Variants in EPHB1 observed in about 807,000 individuals in gnomAD.
EPHB1 encodes the protein EPH receptor B1, also known as ephrin type-B receptor 1.
In EPHB1, 30 loss-of-function variants were observed where a neutral mutation model predicts 94.4. The observed-to-expected ratio is 0.32, with a 90% confidence interval of 0.24 to 0.43. The LOEUF is 0.43. EPHB1 is among the 20% of genes least tolerant of loss of function. The pLI is 1.00. For missense variants in EPHB1, 1,055 were observed against 1,308.3 expected, an observed-to-expected ratio of 0.81 and a Z score of 2.99; for synonymous variants, 522 against 489.1, an observed-to-expected ratio of 1.07 and a Z score of -0.89.
intron 5 of EPHB1, among the ~76,000 whole-genome samples, chr3:135,135,234 T>C (rs1940575741): frequency 6.6e-6 from 1 of 152,166 alleles, no homozygotes; most frequent in South Asian, 2.1e-4. Flanking sequence ...ATGCAATTTC[T>C]TCTTGGTAGC....
At chr3:134,827,267 A>G (rs769283026) in intron 1 of EPHB1, among the ~76,000 whole-genome samples, 5 of 152,214 alleles carry the variant, frequency 3.3e-5, no homozygotes, top group Non-Finnish European at 7.3e-5. Flanking sequence ...GCCTTAGTCT[A>G]GTGCTTCTTC....
At chr3:135,076,735 T>C (rs1179796879) in intron 3 of EPHB1, among the ~76,000 whole-genome samples, 1 of 152,204 alleles carries the variant, frequency 6.6e-6, no homozygotes, top group African/African-American at 2.4e-5. Flanking sequence ...ATGTGGTATA[T>C]CCATACAATG....
intron 12 of EPHB1, among the ~76,000 whole-genome samples, chr3:135,221,990 T>C (rs1943286985): frequency 6.6e-6 from 1 of 152,230 alleles, no homozygotes; most frequent in Non-Finnish European, 1.5e-5. Context: ...CTATTTCTTT[T>C]CAGCTAATAA....
intron 3 of EPHB1, among the ~76,000 whole-genome samples, chr3:135,019,988 T>G (rs1382704874): frequency 6.6e-6 from 1 of 152,226 alleles, no homozygotes; most frequent in East Asian, 1.9e-4. Context: ...GATGCAGGCT[T>G]TGCCTCAACA....
chr3:135,123,846 C>T (rs1280993074), intron 4 of EPHB1, among the ~76,000 whole-genome samples: 2 of 151,648 alleles, frequency 1.3e-5, no homozygotes, highest in Non-Finnish European at 2.9e-5. Flanking sequence ...CATTCTGGCC[C>T]AAGCCACCAT....
intron 3 of EPHB1, among the ~76,000 whole-genome samples, chr3:135,018,686 C>A (rs928064112): frequency 4.6e-5 from 7 of 152,218 alleles, no homozygotes; most frequent in Non-Finnish European, 1.0e-4. Context: ...AATCCACCCA[C>A]CTTTTCCTAT....
At chr3:135,005,592 G>C (rs1576310504) in intron 3 of EPHB1, among the ~76,000 whole-genome samples, 1 of 152,232 alleles carries the variant, frequency 6.6e-6, no homozygotes, top group South Asian at 2.1e-4. Flanking sequence ...TCAGACTGCT[G>C]TGCTAGCAAT....
At chr3:134,922,761 A>C (rs758746184) in intron 1 of EPHB1, among the ~76,000 whole-genome samples, 50 of 152,140 alleles carry the variant, frequency 3.3e-4, no homozygotes, top group Non-Finnish European at 5.9e-5. Flanking sequence ...CAGACCCCAG[A>C]GCTTCAGCAG....
chr3:135,112,219 C>CA, intron 4 of EPHB1, among the ~76,000 whole-genome samples: 1 of 152,282 alleles, frequency 6.6e-6, no homozygotes, highest in African/African-American at 2.4e-5. Flanking sequence ...TGATGGGCCC[C>CA]AGCTCACCTA....
At chr3:135,243,372 A>G (rs960750531) in intron 13 of EPHB1, among the ~76,000 whole-genome samples, 2 of 152,174 alleles carry the variant, frequency 1.3e-5, no homozygotes, top group East Asian at 1.9e-4. Flanking sequence ...TGGCATAAAC[A>G]TGGGGCTTTG....
chr3:134,958,921 C>T (rs960194167), intron 3 of EPHB1, among the ~76,000 whole-genome samples: 5 of 152,144 alleles, frequency 3.3e-5, no homozygotes, highest in African/African-American at 1.2e-4. Context: ...ATCCTTTCTG[C>T]CTTTGAGACA....
intron 1 of EPHB1, among the ~76,000 whole-genome samples, chr3:134,816,850 G>A (rs749445288): frequency 5.3e-5 from 8 of 151,932 alleles, no homozygotes; most frequent in Non-Finnish European, 1.2e-4. Context: ...GCCAAGAGTC[G>A]CAGGCGTCTC....
chr3:134,967,009 C>A lies in EPHB1; in HGVS notation c.805+14957C>A, dbSNP rs115804991. On this transcript the variant is annotated intron_variant, in intron 3 of 15. Transcript: ENST00000398015. The stretch of plus-strand genomic sequence containing the variant: ...TGGCTTAGAATAGAGCTGCCTTGTC[C>A]TTTATTCAACCAGCCTCACTCTAAA... Among the ~76,000 whole-genome samples the A allele has an allele frequency of 4.2e-3, 634 of 152,322 alleles. 1 individual carries two copies. The highest frequency in any genetic ancestry group is 7.0e-3 in the Non-Finnish European group (478 of 68,032).
intron 1 of EPHB1, among the ~76,000 whole-genome samples, chr3:134,800,461 G>C (rs2035914946): frequency 6.6e-6 from 1 of 152,192 alleles, no homozygotes; most frequent in Non-Finnish European, 1.5e-5. Flanking sequence ...TACCAGCTCA[G>C]GTAGTGTTTC....
intron 1 of EPHB1, among the ~76,000 whole-genome samples, chr3:134,815,133 A>T (rs770087066): frequency 6.6e-6 from 1 of 152,264 alleles, no homozygotes; most frequent in Non-Finnish European, 1.5e-5. Flanking sequence ...GCTTTAAAGG[A>T]TATGATTTGG....
intron 10 of EPHB1, among the ~76,000 whole-genome samples, chr3:135,182,003 G>C (rs540605870): frequency 6.6e-6 from 1 of 152,310 alleles, no homozygotes; most frequent in African/African-American, 2.4e-5. Context: ...CTGTAGCAGA[G>C]ACCCATCTCC....
At chr3:135,103,217 A>G (rs1939095770) in intron 3 of EPHB1, among the ~76,000 whole-genome samples, 1 of 152,256 alleles carries the variant, frequency 6.6e-6, no homozygotes, top group African/African-American at 2.4e-5. Flanking sequence ...AGGCATGCCT[A>G]GACAGATTTT....
At chr3:135,124,193 G>A (rs1252114413) in intron 4 of EPHB1, among the ~76,000 whole-genome samples, 1 of 151,608 alleles carries the variant, frequency 6.6e-6, no homozygotes, top group East Asian at 1.9e-4. Flanking sequence ...CGGTCCTTTG[G>A]GCTGGGGAAC....
intron 9 of EPHB1, among the ~76,000 whole-genome samples, chr3:135,172,220 C>A (rs1941823845): frequency 6.6e-6 from 1 of 152,202 alleles, no homozygotes; most frequent in Non-Finnish European, 1.5e-5. Context: ...GCTGCAGACA[C>A]CCAGGCAGGA....
Sources: allele counts gnomAD v4.1 joint callset (sites outside exome capture counted in the v4.1 genomes callset), GRCh38; gene constraint gnomAD v4.1.1; transcripts MANE v1.5; gene names NCBI Gene and HGNC (gene_info 2026-07-23, HGNC 2026-07-21).